The following UNC13C variants were observed in gnomAD, a reference collection of about 807,000 sequenced individuals.
UNC13C encodes the protein protein unc-13 homolog C.
UNC13C carries 174 observed loss-of-function variants against 245.4 expected under a neutral mutation model. The observed-to-expected ratio is 0.71, with a 90% CI of 0.63 to 0.80. UNC13C has a LOEUF of 0.80. Among genes scored for constraint, UNC13C ranks in the 30% least tolerant of loss-of-function variants. UNC13C has a pLI of 0.00. For missense variants in UNC13C, 2,829 were observed against 2,602.9 expected, an observed-to-expected ratio of 1.09 and a Z score of -1.89; for synonymous variants, 992 against 895.1, an observed-to-expected ratio of 1.11 and a Z score of -1.93.
intron 30 of UNC13C, among the ~76,000 whole-genome samples, chr15:54,598,989 T>A: frequency 6.6e-6 from 1 of 152,262 alleles, no homozygotes; most frequent in African/African-American, 2.4e-5. Context: ...TAAAATAATA[T>A]AATAAAAAGC....
At chr15:54,148,104 G>T (rs906304831) in intron 4 of UNC13C, among the ~76,000 whole-genome samples, 1 of 152,136 alleles carries the variant, frequency 6.6e-6, no homozygotes, top group Non-Finnish European at 1.5e-5. Context: ...TTGCAGAAGT[G>T]AAATAATGCA....
intron 7 of UNC13C, among the ~76,000 whole-genome samples, chr15:54,245,927 AG>A (rs2035978553): frequency 1.3e-5 from 2 of 152,262 alleles, no homozygotes; most frequent in African/African-American, 4.8e-5. Context: ...AGAACTTCAT[AG>A]GTTAGTCACT....
intron 17 of UNC13C, among the ~76,000 whole-genome samples, chr15:54,340,198 G>A (rs190114088): frequency 2.6e-5 from 4 of 152,268 alleles, no homozygotes; most frequent in Non-Finnish European, 4.4e-5. Context: ...TCTGACAGAT[G>A]TATAGATTGT....
chr15:54,340,406 T>G (rs1297979080), intron 17 of UNC13C, among the ~76,000 whole-genome samples: 4 of 152,256 alleles, frequency 2.6e-5, no homozygotes, highest in Non-Finnish European at 4.4e-5. Flanking sequence ...GCTAGAATTT[T>G]TATAGTTCGA....
At chr15:54,187,978 C>T (rs945586750) in intron 4 of UNC13C, among the ~76,000 whole-genome samples, 7 of 151,918 alleles carry the variant, frequency 4.6e-5, no homozygotes, top group South Asian at 2.1e-4. Context: ...CCACCATGCA[C>T]GGATAATTTT....
chr15:54,251,486 G>A (rs1022099236), intron 8 of UNC13C, among the ~76,000 whole-genome samples: 3 of 152,174 alleles, frequency 2.0e-5, no homozygotes, highest in African/African-American at 7.2e-5. Flanking sequence ...ACTCTTGAAT[G>A]AGTACATGCC....
the UNC13C span, chr15:53,911,985 G>C: frequency 8.5e-5 from 13 of 152,252 alleles, no homozygotes; most frequent in African/African-American, 3.1e-4. Context: ...GGCCATTGGC[G>C]GGACCTGGGA....
In UNC13C at chr15:54,010,957, A is replaced by C. The variant is rs144440102; in HGVS notation, c.-256-1691A>C. On this transcript the variant is annotated intron_variant, in intron 1 of 32. Transcript: ENST00000260323. Reference sequence around the variant, plus strand: ...TAATTTGGGGCAACTAGGTGGAGATACTAAGTGGCTGAAATGTGGCCAATT... The same window carrying C: ...TAATTTGGGGCAACTAGGTGGAGATCCTAAGTGGCTGAAATGTGGCCAATT... 6.6e-4 allele frequency among the ~76,000 whole-genome samples: 100 copies of C among 152,300 alleles called. 1 individual carries two copies. Among genetic ancestry groups the C allele is most frequent in the African/African-American group, 2.1e-3 (86 of 41,564 alleles).
At chr15:54,376,860 C>T (rs772861195) in intron 17 of UNC13C, among the ~76,000 whole-genome samples, 16 of 152,154 alleles carry the variant, frequency 1.1e-4, no homozygotes, top group Admixed American at 7.2e-4. Flanking sequence ...CCCAGAACCT[C>T]AGAGTGTTAC....
intron 14 of UNC13C, among the ~76,000 whole-genome samples, 183 bp from the exon 15 acceptor site, chr15:54,331,860 G>A (rs1378508884): frequency 6.6e-6 from 1 of 151,978 alleles, no homozygotes; most frequent in Non-Finnish European, 1.5e-5. Flanking sequence ...CCATGAATTT[G>A]GTGTCAAAGA....
chr15:54,117,268 C>T (rs372654280), intron 2 of UNC13C, among the ~76,000 whole-genome samples: 1 of 151,960 alleles, frequency 6.6e-6, no homozygotes, highest in African/African-American at 2.4e-5. Flanking sequence ...GTGCCAGGAC[C>T]TTTTACCTTG....
At chr15:54,337,601 T>G (rs1384712789) in intron 16 of UNC13C, among the ~76,000 whole-genome samples, 1 of 152,172 alleles carries the variant, frequency 6.6e-6, no homozygotes, top group Non-Finnish European at 1.5e-5. Flanking sequence ...AGAATATGAT[T>G]TCTTCTAATA....
chr15:54,069,476 G>C (rs563214759), intron 2 of UNC13C, among the ~76,000 whole-genome samples: 1 of 152,296 alleles, frequency 6.6e-6, no homozygotes, highest in South Asian at 2.1e-4. Flanking sequence ...AGTTTGTTAT[G>C]TCTGCATAAA....
chr15:54,606,600 G>T (rs776080998), intron 30 of UNC13C, among the ~76,000 whole-genome samples: 3 of 152,176 alleles, frequency 2.0e-5, no homozygotes, highest in Non-Finnish European at 4.4e-5. Flanking sequence ...GACGATTTGC[G>T]TGCGGTGAAC....
At chr15:54,327,068 G>A (rs748623218) in intron 14 of UNC13C, among the ~76,000 whole-genome samples, 11 of 151,972 alleles carry the variant, frequency 7.2e-5, no homozygotes, top group Admixed American at 1.3e-4. Flanking sequence ...TGTGTTGAAC[G>A]CACTCATGGG....
chr15:53,984,277 C>T (rs1894039261), intron 1 of UNC13C, among the ~76,000 whole-genome samples: 1 of 152,032 alleles, frequency 6.6e-6, no homozygotes, highest in East Asian at 1.9e-4. Context: ...CCAATCTCTG[C>T]CCCAATTAGA....
At position 54,194,997 on chromosome 15, in the gene UNC13C, T is replaced by C. The variant is rs550862652; in HGVS notation, c.3072-40033T>C. Among the ~76,000 whole-genome samples, 13 of 152,260 alleles carry C rather than the reference T, an allele frequency of 8.5e-5. No individual in the cohort carries two copies. The South Asian group carries it at 2.1e-3, about 24-fold the overall frequency. On this transcript the variant is annotated intron_variant, in intron 4 of 32. Coordinates refer to ENST00000260323, the MANE Select transcript of UNC13C (RefSeq NM_001080534.3). ...GTCATCTTTTCTCAAAAATTACATT[T>C]ACCTCCTGGCATTCCACGAATAGAA...
intron 24 of UNC13C, among the ~76,000 whole-genome samples, chr15:54,516,860 G>A (rs1352023978): frequency 6.8e-6 from 1 of 148,084 alleles, no homozygotes; most frequent in East Asian, 2.0e-4. Flanking sequence ...TTTCTTATTT[G>A]TACACCAGTC....
At chr15:53,872,857 C>T in the UNC13C span, among the ~76,000 whole-genome samples, 39,378 of 152,132 alleles carry the variant, frequency 0.26, 6,293 homozygotes, top group Non-Finnish European at 0.34. Context: ...GGGGCACACA[C>T]ATTAAACCAT....
Sources: gnomAD v4.1 joint callset for allele counts (sites outside exome capture counted in the v4.1 genomes callset) on GRCh38, gnomAD v4.1.1 for gene constraint, MANE v1.5 for transcripts, NCBI Gene and HGNC (gene_info 2026-07-23, HGNC 2026-07-21) for gene names.